Variants in SF3B3 observed in about 807,000 individuals in gnomAD.
SF3B3 encodes the protein SAP 130.
In SF3B3, 33 loss-of-function variants were observed where a neutral mutation model predicts 139.2. The observed-to-expected ratio is 0.24, with a 90% CI of 0.18 to 0.32. SF3B3 has a LOEUF of 0.32. Ranked by LOEUF, SF3B3 falls within the 10% of genes least tolerant of loss-of-function variation. The pLI is 1.00. For synonymous variants in SF3B3, 596 were observed against 563.6 expected (o/e 1.06, Z -0.81); for missense variants, 818 against 1,509.4 (o/e 0.54, Z 7.59).
Position 70,556,276 on chromosome 16 carries a change from G to A in SF3B3, c.1808G>A (p.Arg603His), listed in dbSNP as rs2050379024. Residue 603 changes from arginine (R) to histidine (H), a missense_variant, in exon 14 of 26, where the codon CGC (arginine) becomes CAC (histidine). Arg to His is a conservative substitution (Grantham distance 29). Coordinates refer to ENST00000302516, the MANE Select transcript of SF3B3 (RefSeq NM_012426.5). ...GTACCCCCTGGAGAGCAGCGGTCTC[G>A]CTTCCTGGCTGTGGGGCTTGTGGAC... is the stretch of plus-strand genomic sequence containing the variant. ...ANVPPGEQRS[R>H]FLAVGLVDNT... 5 of 1,614,030 alleles carry A rather than the reference G, an allele frequency of 3.1e-6. No homozygotes were observed. The highest frequency in any genetic ancestry group is 4.2e-6 in the Non-Finnish European group (5 of 1,180,034).
chr16:70,528,272 C>T (rs1044790588), intron 2 of SF3B3, among the ~76,000 whole-genome samples: 1 of 144,438 alleles, frequency 6.9e-6, no homozygotes, highest in Middle Eastern at 3.7e-3. Flanking sequence ...TCAAGCGATT[C>T]TCCTGTGTCA....
rs543419446 is a variant in SF3B3 at position 70,536,095 on chromosome 16, CATT to C, written c.825+678_825+680del. On this transcript the variant is annotated intron_variant, in intron 6 of 25. Transcript: ENST00000302516. ...GTATAGTTTATATTCATATTTCTCT[CATT>C]ATCCCAAAAAGTTCCTTTGTAATTA... Among the ~76,000 whole-genome samples, 47 of 152,150 alleles carry C rather than the reference CATT, an allele frequency of 3.1e-4. No individual in the cohort carries two copies. The South Asian group carries it at 8.7e-3, about 28-fold the overall frequency.
chr16:70,561,884 G>T (rs764604112), intron 17 of SF3B3, 100 bp downstream of exon 17: 60 of 992,754 alleles, frequency 6.0e-5, no homozygotes, highest in Non-Finnish European at 9.0e-5. Flanking sequence ...AGAGGTGGCA[G>T]AGAGCCGACT....
intron 17 of SF3B3, among the ~76,000 whole-genome samples, chr16:70,562,385 A>G (rs1394232499): frequency 1.3e-5 from 2 of 152,214 alleles, no homozygotes; most frequent in South Asian, 4.1e-4. Context: ...TAATGAAACT[A>G]TGGCCTCTTG....
At chr16:70,552,156 G>A (rs2050333673) in intron 11 of SF3B3, among the ~76,000 whole-genome samples, 1 of 152,134 alleles carries the variant, frequency 6.6e-6, no homozygotes. Flanking sequence ...GTCAAAAGTT[G>A]TGTGGTCTGT....
At position 70,556,867 on chromosome 16, in the gene SF3B3, AT is replaced by A; in HGVS notation, c.1867-14del. Reference sequence around the variant, plus strand: ...AATTGTCATTTTCTGTGTTTTTATGATTTTTCTCTCCCTCTCAGGACTGTTT... The same window carrying A: ...AATTGTCATTTTCTGTGTTTTTATGATTTTCTCTCCCTCTCAGGACTGTTT... On this transcript the variant is annotated intron_variant, in intron 14 of 25. Transcript: ENST00000302516. 1 of 1,613,210 alleles carries A rather than the reference AT, an allele frequency of 6.2e-7. No homozygotes were observed. The highest frequency in any genetic ancestry group is 8.5e-7 in the Non-Finnish European group (1 of 1,179,698).
In SF3B3 at chr16:70,567,425, G is replaced by C. The variant is rs2050487352; in HGVS notation, c.2841G>C (p.Glu947Asp). 7 of 1,613,740 alleles carry C rather than the reference G, an allele frequency of 4.3e-6. No individual in the cohort carries two copies. Among genetic ancestry groups the C allele is most frequent in the Non-Finnish European group, 5.9e-6 (7 of 1,179,910 alleles). The change falls in exon 21 of 26, where the codon GAG becomes GAC. Residue 947 changes from glutamate (E) to aspartate (D), a missense_variant. Glu to Asp is a conservative substitution (Grantham distance 45). Around this residue, in one of 14 missense-constraint regions of SF3B3, gnomAD observed 145 missense variants for 153.6 expected, o/e 0.94. Transcript: ENST00000302516. ...TTCCTCTATAGACTCCTGTGGAAGA[G>C]GTCCCTGCTGCTATTGCCCCATTCC... ...LEFLHKTPVE[E>D]VPAAIAPFQG...
intron 10 of SF3B3, among the ~76,000 whole-genome samples, chr16:70,547,368 T>C (rs2050278722): frequency 6.6e-6 from 1 of 152,244 alleles, no homozygotes; most frequent in African/African-American, 2.4e-5. Context: ...AATTTTATAA[T>C]GATTTTAAAT....
At position 70,529,037 on chromosome 16, in the gene SF3B3, G is replaced by T. The variant is rs753347657; in HGVS notation, c.235G>T (p.Val79Leu). 1 of 1,614,206 alleles carries T rather than the reference G, an allele frequency of 6.2e-7. No individual in the cohort carries two copies. The highest frequency in any genetic ancestry group is 1.1e-5 in the South Asian group (1 of 91,082). ...GACAGGTGGCACCAAAGACTACATT[G>T]TAGTTGGCAGTGACTCTGGTCGAAT... ...RLTGGTKDYI[V>L]VGSDSGRIVI... is the part of the protein sequence containing the mutation. Residue 79 changes from valine (V) to leucine (L), a missense_variant, in exon 3 of 26, where the codon GTA (valine) becomes TTA (leucine). Around this residue, in one of 14 missense-constraint regions of SF3B3, gnomAD observed 144 missense variants for 259.2 expected, o/e 0.56. Coordinates refer to ENST00000302516, the MANE Select transcript of SF3B3 (RefSeq NM_012426.5).
At chr16:70,555,274 C>A in intron 13 of SF3B3, 68 bp downstream of exon 13, 1 of 1,405,422 alleles carries the variant, frequency 7.1e-7, no homozygotes, top group Non-Finnish European at 1.0e-6. Flanking sequence ...GCATTGTAGT[C>A]TAGTCATTTA....
intron 3 of SF3B3, among the ~76,000 whole-genome samples, chr16:70,529,983 A>T (rs2151775001): frequency 7.0e-6 from 1 of 143,786 alleles, no homozygotes; most frequent in South Asian, 2.3e-4. Flanking sequence ...AAATACAAAA[A>T]ATTAGCTGGG....
At chr16:70,544,353 T>A in intron 9 of SF3B3, 85 bp from the exon 10 acceptor site, 1 of 762,254 alleles carries the variant, frequency 1.3e-6, no homozygotes, top group Non-Finnish European at 2.3e-6. Context: ...GGAAAGCAGC[T>A]GGATGTCTGG....
Position 70,574,122 on chromosome 16 carries a change from A to G in SF3B3, c.*2309A>G, listed in dbSNP as rs1179853365. ...CTTGTTAGAGGAAAGCCAGAAAGGC[A>G]TTCAGATGGGATCAGTCTGGCTTTC... On this transcript the variant is annotated 3_prime_UTR_variant, in exon 26 of 26. Coordinates refer to ENST00000302516, the MANE Select transcript of SF3B3 (RefSeq NM_012426.5). 1.3e-5 allele frequency: 2 copies of G among 152,348 alleles called. No individual in the cohort carries two copies. Among genetic ancestry groups the G allele is most frequent in the Admixed American group, 6.5e-5 (1 of 15,300 alleles). The allele number at this position is 152,348 out of a possible 1,614,324, so 9.4% of individuals were successfully genotyped here. A position where few individuals can be genotyped will look rare whatever the true frequency, so the allele number is the denominator to read the frequency against.
intron 10 of SF3B3, among the ~76,000 whole-genome samples, chr16:70,545,706 A>G (rs1310757515): frequency 6.6e-6 from 1 of 152,194 alleles, no homozygotes; most frequent in Non-Finnish European, 1.5e-5. Context: ...TTCTGGCTCT[A>G]CCACTTAATA....
intron 9 of SF3B3, 28 bp from the exon 10 acceptor site, chr16:70,544,410 T>C (rs1009923109): frequency 2.1e-6 from 3 of 1,414,852 alleles, no homozygotes; most frequent in Admixed American, 3.5e-5. Flanking sequence ...CTGGAGACAT[T>C]TTTTCCTCTA....
chr16:70,571,571 T>G lies in SF3B3; in HGVS notation c.3514-102T>G, dbSNP rs534099038. ...TAGGGTGAGACCCTGTCTCAAAAACTAAAAAATAAAAACAGCTTTCCCTAC... is the reference window on the plus strand; with the variant it reads ...TAGGGTGAGACCCTGTCTCAAAAACGAAAAAATAAAAACAGCTTTCCCTAC... On this transcript the variant is annotated intron_variant, in intron 25 of 25. Coordinates refer to ENST00000302516, the MANE Select transcript of SF3B3 (RefSeq NM_012426.5). The G allele has an allele frequency of 6.0e-6, 8 of 1,332,506 alleles. No homozygotes were observed. In the African/African-American group the frequency reaches 1.2e-4, roughly 20 times the overall value. 82.5% of individuals were successfully genotyped at this position (1,332,506 alleles called of 1,614,324 possible).
chr16:70,557,140 T>TTCATAAGGTGAGG, intron 15 of SF3B3, 111 bp downstream of exon 15: 1 of 1,161,914 alleles, frequency 8.6e-7, no homozygotes, highest in Non-Finnish European at 1.2e-6. Context: ...ATCCTCACCT[T>TTCATAAGGTGAGG]ATGAAAAGTG....
chr16:70,543,861 A>AT (rs1230772793), intron 9 of SF3B3, among the ~76,000 whole-genome samples: 26 of 149,698 alleles, frequency 1.7e-4, no homozygotes, highest in African/African-American at 4.4e-4. Flanking sequence ...TTTTTTTTTA[A>AT]TTTTTTTTTG....
chr16:70,564,053 A>G lies in SF3B3; in HGVS notation c.2463+3A>G, dbSNP rs200417150. On this transcript the variant is annotated splice_donor_region_variant and intron_variant, in intron 18 of 25. Transcript: ENST00000302516. ...AGAGAAAGCAGCAGATGGCAGAGGT[A>G]ATGAGACTAACGTTCAGGGGTTCTA... The G allele has an allele frequency of 4.2e-4, 672 of 1,613,638 alleles. 1 individual carries two copies. The highest frequency in any genetic ancestry group is 1.7e-3 in the Middle Eastern group (10 of 6,056).
Sources: allele counts gnomAD v4.1 joint callset (sites outside exome capture counted in the v4.1 genomes callset), GRCh38; gene constraint gnomAD v4.1.1; regional missense constraint gnomAD v4.1.1; transcripts MANE v1.5; gene names NCBI Gene and HGNC (gene_info 2026-07-23, HGNC 2026-07-21).